Variants in AGBL4 observed in about 807,000 individuals in gnomAD.
AGBL4 encodes cytosolic carboxypeptidase 6.
Under a neutral mutation model 66.4 loss-of-function variants are expected in AGBL4, and 58 were observed. That is an observed-to-expected ratio of 0.87 (90% CI 0.71 to 1.09). AGBL4 has a LOEUF of 1.09. AGBL4 is among the 50% of genes least tolerant of loss of function. AGBL4 has a pLI of 0.00. For synonymous variants in AGBL4, 234 were observed against 222.9 expected (o/e 1.05, Z -0.44); for missense variants, 579 against 631.0 (o/e 0.92, Z 0.88).
chr1:48,548,184 G>A (rs1454323710), intron 11 of AGBL4, among the ~76,000 whole-genome samples: 1 of 152,186 alleles, frequency 6.6e-6, no homozygotes, highest in Non-Finnish European at 1.5e-5. Flanking sequence ...ATGCTGGAAC[G>A]TGATAAGTGC....
intron 6 of AGBL4, among the ~76,000 whole-genome samples, chr1:48,764,139 A>T (rs1644413663): frequency 6.6e-6 from 1 of 152,232 alleles, no homozygotes; most frequent in Non-Finnish European, 1.5e-5. Context: ...AATTTGAATA[A>T]GGGAGAAGTA....
chr1:49,589,613 T>G (rs1644715969), intron 3 of AGBL4, among the ~76,000 whole-genome samples: 1 of 152,128 alleles, frequency 6.6e-6, no homozygotes, highest in South Asian at 2.1e-4. Context: ...AAAATGGAAA[T>G]TATATAATAT....
intron 5 of AGBL4, among the ~76,000 whole-genome samples, chr1:48,986,147 A>G (rs960900277): frequency 2.0e-4 from 31 of 152,066 alleles, no homozygotes; most frequent in African/African-American, 7.0e-4. Flanking sequence ...TCCCTCCCCA[A>G]TTAACAAAAA....
chr1:48,644,705 G>C (rs553284554), intron 8 of AGBL4, among the ~76,000 whole-genome samples: 40 of 152,320 alleles, frequency 2.6e-4, no homozygotes, highest in African/African-American at 8.4e-4. Flanking sequence ...GCAGGAAGGG[G>C]CAAGGTGGAC....
At chr1:49,552,316 G>T (rs922007889) in intron 3 of AGBL4, among the ~76,000 whole-genome samples, 17 of 152,266 alleles carry the variant, frequency 1.1e-4, no homozygotes, top group Middle Eastern at 3.4e-3. Flanking sequence ...GTTCTGGCCG[G>T]GAGGATTCTA....
At chr1:49,047,618 C>G (rs1209197643) in intron 4 of AGBL4, among the ~76,000 whole-genome samples, 3 of 151,958 alleles carry the variant, frequency 2.0e-5, no homozygotes, top group Non-Finnish European at 2.9e-5. Flanking sequence ...GGAAAATGAC[C>G]CCTCCTGATC....
intron 3 of AGBL4, among the ~76,000 whole-genome samples, chr1:49,516,028 T>TA (rs1263680531): frequency 6.7e-6 from 1 of 149,504 alleles, no homozygotes; most frequent in Admixed American, 6.7e-5. Flanking sequence ...CCCTAAAACT[T>TA]AAAGTATAAT....
chr1:49,666,021 T>C (rs915057335), intron 3 of AGBL4, among the ~76,000 whole-genome samples: 2 of 151,866 alleles, frequency 1.3e-5, no homozygotes, highest in Non-Finnish European at 2.9e-5. Context: ...AAATTTTTTT[T>C]CTTGCTATGT....
intron 3 of AGBL4, among the ~76,000 whole-genome samples, chr1:49,427,809 C>G (rs997688457): frequency 2.0e-5 from 3 of 152,332 alleles, no homozygotes; most frequent in Admixed American, 2.0e-4. Flanking sequence ...CTTTTATTCC[C>G]TTATTTGGCC....
chr1:49,499,647 A>G (rs1004275483), intron 3 of AGBL4, among the ~76,000 whole-genome samples: 1 of 151,994 alleles, frequency 6.6e-6, no homozygotes, highest in Non-Finnish European at 1.5e-5. Flanking sequence ...TTCACTTAGA[A>G]TAATGGTCTC....
chr1:49,461,302 CT>C (rs1290925007), intron 3 of AGBL4, among the ~76,000 whole-genome samples: 1 of 151,260 alleles, frequency 6.6e-6, no homozygotes, highest in Admixed American at 6.6e-5. Flanking sequence ...ATTTAAAATT[CT>C]TTTTTTGTCT....
chr1:48,692,384 C>T (rs561084483), intron 6 of AGBL4, among the ~76,000 whole-genome samples: 1 of 152,308 alleles, frequency 6.6e-6, no homozygotes, highest in South Asian at 2.1e-4. Flanking sequence ...TGCCAGCCTC[C>T]CACTTGGACC....
chr1:48,576,775 C>G (rs560618509), intron 11 of AGBL4, among the ~76,000 whole-genome samples: 1 of 152,308 alleles, frequency 6.6e-6, no homozygotes, highest in East Asian at 1.9e-4. Flanking sequence ...CCTCCTTACT[C>G]CCCAAATCTA....
chr1:49,261,596 T>G (rs919121799), intron 3 of AGBL4, among the ~76,000 whole-genome samples: 3 of 151,766 alleles, frequency 2.0e-5, no homozygotes, highest in Admixed American at 6.6e-5. Flanking sequence ...GGAATCCAAC[T>G]TACAAGGGAT....
intron 3 of AGBL4, among the ~76,000 whole-genome samples, chr1:49,639,138 C>T (rs1044869755): frequency 2.0e-5 from 3 of 152,092 alleles, no homozygotes; most frequent in Admixed American, 2.0e-4. Flanking sequence ...GAAGATACCT[C>T]GGCACCTAGA....
intron 3 of AGBL4, among the ~76,000 whole-genome samples, chr1:49,409,746 A>G (rs964474743): frequency 6.6e-6 from 1 of 152,214 alleles, no homozygotes; most frequent in Non-Finnish European, 1.5e-5. Flanking sequence ...AAACAAGAAA[A>G]TGGTAGAAAA....
chr1:49,057,998 G>A (rs1414528340), intron 4 of AGBL4, among the ~76,000 whole-genome samples: 2 of 152,128 alleles, frequency 1.3e-5, no homozygotes, highest in African/African-American at 4.8e-5. Context: ...TTGCAGAGCT[G>A]GGTAGGGATG....
intron 5 of AGBL4, among the ~76,000 whole-genome samples, chr1:48,941,495 C>A (rs572122193): frequency 2.6e-5 from 4 of 152,258 alleles, no homozygotes; most frequent in African/African-American, 4.8e-5. Flanking sequence ...TAGACTAAGG[C>A]CTAGGATTAC....
At chr1:48,989,504 CCA>C (rs1660441624) in intron 5 of AGBL4, among the ~76,000 whole-genome samples, 1 of 151,866 alleles carries the variant, frequency 6.6e-6, no homozygotes, top group African/African-American at 2.4e-5. Flanking sequence ...TTAACCATCC[CCA>C]CTCTATCCTC....
Sources: gnomAD v4.1 joint callset for allele counts (sites outside exome capture counted in the v4.1 genomes callset) on GRCh38, gnomAD v4.1.1 for gene constraint, MANE v1.5 for transcripts, NCBI Gene and HGNC (gene_info 2026-07-23, HGNC 2026-07-21) for gene names.